NYAP2: variants seen among roughly 807,000 people sequenced by gnomAD.
The protein encoded by NYAP2 is neuronal tyrosine-phosphorylated phosphoinositide-3-kinase adaptor 2, also known as neuronal tyrosine-phosphorylated phosphoinositide-3-kinase adapter 2.
Under a neutral mutation model 50.4 loss-of-function variants are expected in NYAP2, and 23 were observed. The ratio of observed to expected loss-of-function variants is 0.46; its 90% confidence interval spans 0.33 to 0.65. NYAP2 has a LOEUF of 0.65. Among genes scored for constraint, NYAP2 ranks in the 30% least tolerant of loss-of-function variants. The pLI is 0.02. For missense variants in NYAP2, 885 were observed against 861.0 expected (o/e 1.03, Z -0.35); for synonymous variants, 394 against 365.2 (o/e 1.08, Z -0.90).
chr2:225,677,863 G>C, the NYAP2 span, among the ~76,000 whole-genome samples: 1 of 152,142 alleles, frequency 6.6e-6, no homozygotes, highest in Non-Finnish European at 1.5e-5. Flanking sequence ...AGGGATATTG[G>C]CATGAAATTT....
chr2:225,439,766 G>A (rs1049758197), intron 3 of NYAP2, among the ~76,000 whole-genome samples: 1 of 152,200 alleles, frequency 6.6e-6, no homozygotes, highest in African/African-American at 2.4e-5. Flanking sequence ...ATGCTGCTAT[G>A]AAGAAATACC....
intron 3 of NYAP2, among the ~76,000 whole-genome samples, chr2:225,452,569 T>C (rs1277721357): frequency 6.6e-6 from 1 of 152,198 alleles, no homozygotes. Flanking sequence ...AGGGCCTCAA[T>C]AGACATTTCT....
intron 4 of NYAP2, among the ~76,000 whole-genome samples, chr2:225,551,869 G>T (rs984701881): frequency 1.3e-5 from 2 of 152,178 alleles, no homozygotes; most frequent in Non-Finnish European, 2.9e-5. Flanking sequence ...CTGGAGCGCA[G>T]TGGTGCCATC....
chr2:225,573,102 C>G (rs980985756), intron 4 of NYAP2, among the ~76,000 whole-genome samples: 1 of 151,708 alleles, frequency 6.6e-6, no homozygotes, highest in Non-Finnish European at 1.5e-5. Flanking sequence ...TAGTCTATAC[C>G]CTAGTTCTAT....
At chr2:225,497,119 G>A (rs1248474640) in intron 3 of NYAP2, among the ~76,000 whole-genome samples, 3 of 152,110 alleles carry the variant, frequency 2.0e-5, no homozygotes, top group South Asian at 4.1e-4. Context: ...CAGGGCATTC[G>A]ATTCAATTAT....
Position 225,401,926 on chromosome 2 carries a change from A to G in NYAP2, c.-18+883A>G, listed in dbSNP as rs914550216. Among the ~76,000 whole-genome samples the G allele has an allele frequency of 3.9e-5, 6 of 152,088 alleles. No individual in the cohort carries two copies. In the East Asian group the frequency reaches 1.2e-3, roughly 29 times the overall value. ...TCATTTTAACATCCAAGCATTTATAACCAAGTAGTGTGGAATAACAAATAT... is the reference window on the plus strand; with the variant it reads ...TCATTTTAACATCCAAGCATTTATAGCCAAGTAGTGTGGAATAACAAATAT... On this transcript the variant is annotated intron_variant, in intron 2 of 6. Coordinates refer to ENST00000636099, the Ensembl canonical transcript of NYAP2.
intron 3 of NYAP2, among the ~76,000 whole-genome samples, chr2:225,492,345 C>A (rs1690423143): frequency 6.6e-6 from 1 of 152,138 alleles, no homozygotes; most frequent in Non-Finnish European, 1.5e-5. Flanking sequence ...CCTATAACTG[C>A]ATAACTCTGG....
At chr2:225,528,024 C>T (rs1041508674) in intron 4 of NYAP2, among the ~76,000 whole-genome samples, 7 of 152,148 alleles carry the variant, frequency 4.6e-5, no homozygotes, top group African/African-American at 1.7e-4. Context: ...CACCTTCTTC[C>T]ATAATCCCTA....
exon 7 of NYAP2, chr2:225,651,828 T>G (rs980949998): frequency 1.0e-5 from 4 of 398,762 alleles, no homozygotes; most frequent in Non-Finnish European, 1.8e-5. Flanking sequence ...AAACTTGTAC[T>G]ATATGTATTG....
intron 3 of NYAP2, among the ~76,000 whole-genome samples, chr2:225,459,196 T>C (rs1053035320): frequency 6.6e-6 from 1 of 152,232 alleles, no homozygotes; most frequent in African/African-American, 2.4e-5. Flanking sequence ...ATGTTTACTT[T>C]TTAATATCTG....
intron 3 of NYAP2, among the ~76,000 whole-genome samples, chr2:225,411,958 T>G (rs1425620063): frequency 6.7e-6 from 1 of 149,848 alleles, no homozygotes; most frequent in Non-Finnish European, 1.5e-5. Context: ...ATATATTTAT[T>G]ATTTCTAAAT....
At chr2:225,449,601 CT>C (rs201552006) in intron 3 of NYAP2, among the ~76,000 whole-genome samples, 2,905 of 96,360 alleles carry the variant, frequency 0.03, 15 homozygotes, top group African/African-American at 0.081. Flanking sequence ...CTCTCTTTCT[CT>C]TTTTTTTTTT....
chr2:225,457,656 T>C (rs1275453497), intron 3 of NYAP2, among the ~76,000 whole-genome samples: 1 of 152,218 alleles, frequency 6.6e-6, no homozygotes, highest in Non-Finnish European at 1.5e-5. Flanking sequence ...CTAATAATAG[T>C]TATGACTGAA....
intron 3 of NYAP2, among the ~76,000 whole-genome samples, chr2:225,478,670 T>C (rs1359413145): frequency 6.6e-6 from 1 of 152,114 alleles, no homozygotes; most frequent in Non-Finnish European, 1.5e-5. Context: ...GGTTAATCTG[T>C]GGAAAAAACA....
intron 3 of NYAP2, among the ~76,000 whole-genome samples, chr2:225,468,829 A>T (rs561196302): frequency 9.2e-5 from 14 of 152,332 alleles, no homozygotes; most frequent in Middle Eastern, 3.4e-3. Flanking sequence ...TAATTGTGAT[A>T]ATGATTCTGT....
intron 3 of NYAP2, among the ~76,000 whole-genome samples, chr2:225,429,767 T>C (rs1381150105): frequency 6.6e-6 from 1 of 152,214 alleles, no homozygotes; most frequent in Non-Finnish European, 1.5e-5. Flanking sequence ...AAGCTTCCTC[T>C]TGCAGTCATT....
intron 3 of NYAP2, among the ~76,000 whole-genome samples, chr2:225,508,780 G>A (rs762741871): frequency 6.6e-6 from 1 of 152,192 alleles, no homozygotes; most frequent in Non-Finnish European, 1.5e-5. Context: ...CCATTGTCTA[G>A]GAGCTGCCCA....
intron 4 of NYAP2, among the ~76,000 whole-genome samples, chr2:225,561,284 C>T (rs1691867936): frequency 6.6e-6 from 1 of 151,980 alleles, no homozygotes; most frequent in Non-Finnish European, 1.5e-5. Flanking sequence ...CCATGTACAT[C>T]GCTGGGGGAA....
At chr2:225,539,739 G>T (rs1231924403) in intron 4 of NYAP2, among the ~76,000 whole-genome samples, 2 of 151,838 alleles carry the variant, frequency 1.3e-5, no homozygotes, top group African/African-American at 2.4e-5. Context: ...TGTAGATTCT[G>T]GATATTAGTC....
Sources: allele counts gnomAD v4.1 joint callset (sites outside exome capture counted in the v4.1 genomes callset), GRCh38; gene constraint gnomAD v4.1.1; transcripts MANE v1.5; gene names NCBI Gene and HGNC (gene_info 2026-07-23, HGNC 2026-07-21).